LRMDA: variants seen among roughly 807,000 people sequenced by gnomAD.
LRMDA encodes the protein leucine-rich melanocyte differentiation-associated protein.
Under a neutral mutation model 29.8 loss-of-function variants are expected in LRMDA, and 18 were observed. That is an observed-to-expected ratio of 0.60 (90% confidence interval 0.42 to 0.90). The LOEUF (loss-of-function observed/expected upper bound fraction) is 0.90. LRMDA is among the 40% of genes least tolerant of loss of function. The pLI is 0.00. For missense variants in LRMDA, 273 were observed against 273.9 expected (o/e 1.00, Z 0.02); for synonymous variants, 125 against 109.4 (o/e 1.14, Z -0.89).
Position 75,918,402 on chromosome 10 carries a change from G to T in LRMDA, c.132-117606G>T, listed in dbSNP as rs1355504157. On this transcript the variant is annotated intron_variant, in intron 2 of 6. Coordinates refer to ENST00000611255, the MANE Select transcript of LRMDA (RefSeq NM_001305581.2). ...CAGGGAGTTTCCAATCACGGTGGAA[G>T]GCAAAGAGGGAGCGGGCACATCACG... Among the ~76,000 whole-genome samples the T allele has an allele frequency of 5.3e-5, 8 of 152,128 alleles. No homozygotes were observed. The East Asian group carries it at 1.5e-3, about 29-fold the overall frequency.
chr10:76,035,902 A>G, intron 2 of LRMDA, 106 bp from the exon 3 acceptor site: 1 of 1,441,070 alleles, frequency 6.9e-7, no homozygotes, highest in Admixed American at 2.2e-5. Flanking sequence ...ACCAAGCCCA[A>G]ACTATTCCCA....
At chr10:76,373,013 A>T (rs1179627838) in intron 6 of LRMDA, among the ~76,000 whole-genome samples, 1 of 152,190 alleles carries the variant, frequency 6.6e-6, no homozygotes, top group African/African-American at 2.4e-5. Context: ...TCAGGTGCTC[A>T]TTGCATATAA....
intron 2 of LRMDA, among the ~76,000 whole-genome samples, chr10:75,992,681 G>A (rs1055821843): frequency 5.9e-5 from 9 of 152,280 alleles, no homozygotes; most frequent in African/African-American, 1.2e-4. Context: ...CCTAAGTTAT[G>A]AGGAGCCTGA....
intron 2 of LRMDA, among the ~76,000 whole-genome samples, chr10:75,903,396 T>G (rs1249167898): frequency 6.6e-6 from 1 of 152,210 alleles, no homozygotes; most frequent in Admixed American, 6.5e-5. Context: ...CACATTTGCA[T>G]AGTTGATTTC....
chr10:76,217,767 T>A (rs925188747), intron 5 of LRMDA, among the ~76,000 whole-genome samples: 1 of 152,212 alleles, frequency 6.6e-6, no homozygotes, highest in Non-Finnish European at 1.5e-5. Context: ...ATATCCTCAA[T>A]AGGAGCCTCA....
intron 6 of LRMDA, among the ~76,000 whole-genome samples, chr10:76,505,403 T>C (rs1347810642): frequency 6.6e-6 from 1 of 152,036 alleles, no homozygotes; most frequent in African/African-American, 2.4e-5. Flanking sequence ...GTCAATGACT[T>C]GTAGGTTTGG....
At chr10:76,495,132 C>G (rs985428785) in intron 6 of LRMDA, among the ~76,000 whole-genome samples, 1 of 151,818 alleles carries the variant, frequency 6.6e-6, no homozygotes. Context: ...GTGTTTTATA[C>G]TTTACATTTA....
chr10:75,928,131 A>G (rs1198023027), intron 2 of LRMDA, among the ~76,000 whole-genome samples: 1 of 152,110 alleles, frequency 6.6e-6, no homozygotes, highest in Non-Finnish European at 1.5e-5. Context: ...ACGGTTGGCT[A>G]TGGAGCCTGA....
At chr10:76,329,431 T>C (rs1840876979) in intron 6 of LRMDA, among the ~76,000 whole-genome samples, 2 of 152,224 alleles carry the variant, frequency 1.3e-5, no homozygotes, top group Admixed American at 1.3e-4. Context: ...ACTATAGTCT[T>C]GAAGATATGC....
chr10:76,542,996 G>A (rs1019258656), intron 6 of LRMDA, among the ~76,000 whole-genome samples: 1 of 152,182 alleles, frequency 6.6e-6, no homozygotes, highest in Non-Finnish European at 1.5e-5. Context: ...GCTTGCCTGA[G>A]ACGGGAAGAT....
intron 5 of LRMDA, among the ~76,000 whole-genome samples, chr10:76,190,681 GAAGTGTTTCTA>G (rs796119291): frequency 3.3e-5 from 5 of 152,316 alleles, no homozygotes; most frequent in African/African-American, 1.2e-4. Flanking sequence ...GAAATGCATT[GAAGTGTTTCTA>G]ACAAAGCTGC....
At chr10:75,690,817 T>TA (rs946446314) in intron 2 of LRMDA, among the ~76,000 whole-genome samples, 1 of 150,438 alleles carries the variant, frequency 6.6e-6, no homozygotes, top group African/African-American at 2.4e-5. Flanking sequence ...AATAAAAAAA[T>TA]AAAAAAATAG....
intron 6 of LRMDA, among the ~76,000 whole-genome samples, chr10:76,378,858 C>CTTTTTTTTTTTTTTTT (rs144037195): frequency 5.0e-5 from 6 of 118,964 alleles, no homozygotes; most frequent in East Asian, 2.4e-4. Context: ...CTTTTTTTTT[C>CTTTTTTTTTTTTTTTT]TTTTTTTTTT....
At chr10:75,807,520 G>T (rs949122254) in intron 2 of LRMDA, among the ~76,000 whole-genome samples, 1 of 152,258 alleles carries the variant, frequency 6.6e-6, no homozygotes, top group Non-Finnish European at 1.5e-5. Context: ...CATCTCAAAT[G>T]TGTGTAAAGG....
intron 3 of LRMDA, among the ~76,000 whole-genome samples, chr10:76,040,188 C>A (rs1468928128): frequency 2.6e-5 from 4 of 152,166 alleles, no homozygotes; most frequent in African/African-American, 9.7e-5. Context: ...AGGAGAGGAG[C>A]CAAGATACAG....
chr10:75,998,207 C>T (rs1847504641), intron 2 of LRMDA, among the ~76,000 whole-genome samples: 1 of 152,204 alleles, frequency 6.6e-6, no homozygotes, highest in African/African-American at 2.4e-5. Context: ...CTCTAGTCTG[C>T]TGCCTCAGTG....
chr10:76,370,010 GT>G (rs1841434539), intron 6 of LRMDA, among the ~76,000 whole-genome samples: 1 of 152,046 alleles, frequency 6.6e-6, no homozygotes, highest in Non-Finnish European at 1.5e-5. Flanking sequence ...AGCCAAGACT[GT>G]ACCTATAATT....
intron 2 of LRMDA, among the ~76,000 whole-genome samples, chr10:75,787,328 C>A (rs1260994825): frequency 3.3e-5 from 5 of 152,192 alleles, no homozygotes. Context: ...AGACGTCAGC[C>A]TGGCGGCATA....
At chr10:75,549,618 G>A (rs1385183120) in intron 2 of LRMDA, among the ~76,000 whole-genome samples, 2 of 151,980 alleles carry the variant, frequency 1.3e-5, no homozygotes, top group African/African-American at 4.8e-5. Context: ...ACTGCTTCAG[G>A]TTATTTTTTA....
Sources: allele counts gnomAD v4.1 joint callset (sites outside exome capture counted in the v4.1 genomes callset), GRCh38; gene constraint gnomAD v4.1.1; transcripts MANE v1.5; gene names NCBI Gene and HGNC (gene_info 2026-07-23, HGNC 2026-07-21).